The following JHY variants were observed in gnomAD, a reference collection of about 807,000 sequenced individuals.
JHY encodes junctional cadherin complex regulator, also known as jhy protein homolog.
JHY carries 69 observed loss-of-function variants against 78.0 expected under a neutral mutation model. The ratio of observed to expected loss-of-function variants is 0.88; its 90% CI spans 0.73 to 1.08. The LOEUF (loss-of-function observed/expected upper bound fraction) is 1.08, where lower values mean the gene tolerates loss of function less well. Ranked by LOEUF, JHY falls within the 50% of genes least tolerant of loss-of-function variation. The probability of loss-of-function intolerance (pLI) is 0.00; values close to 1 mark genes in which losing one functional copy is unlikely to be tolerated. For missense variants in JHY, 944 were observed against 927.8 expected, an observed-to-expected ratio of 1.02 and a Z score of -0.23; for synonymous variants, 368 against 342.6, an observed-to-expected ratio of 1.07 and a Z score of -0.82.
intron 3 of JHY, 88 bp downstream of exon 3, chr11:122,904,532 G>A (rs1862945510): frequency 1.4e-6 from 2 of 1,425,030 alleles, no homozygotes; most frequent in Admixed American, 2.2e-5. Flanking sequence ...CTTCCTTTAA[G>A]ATGACGATGT....
At chr11:122,930,518 G>T (rs1312627780) in intron 4 of JHY, among the ~76,000 whole-genome samples, 1 of 152,142 alleles carries the variant, frequency 6.6e-6, no homozygotes, top group Admixed American at 6.5e-5. Flanking sequence ...GAGAAGATAT[G>T]CCTGAGACCA....
intron 2 of JHY, among the ~76,000 whole-genome samples, chr11:122,889,097 C>T (rs1862556831): frequency 6.6e-6 from 1 of 152,092 alleles, no homozygotes; most frequent in Non-Finnish European, 1.5e-5. Context: ...AGTTACCAGT[C>T]CTCAGAATTA....
chr11:122,887,878 GGTCTTGAAGT>G, intron 2 of JHY, among the ~76,000 whole-genome samples: 1 of 152,112 alleles, frequency 6.6e-6, no homozygotes, highest in Non-Finnish European at 1.5e-5. Context: ...TACATTTTCA[GGTCTTGAAGT>G]GTAACCATCC....
chr11:122,937,588 G>C (rs1863785369), intron 5 of JHY, among the ~76,000 whole-genome samples: 1 of 151,972 alleles, frequency 6.6e-6, no homozygotes, highest in Non-Finnish European at 1.5e-5. Flanking sequence ...TGAAAATGTG[G>C]TACAAGGACA....
rs146523567 is a variant in JHY at position 122,959,395 on chromosome 11, G to A, written c.2287G>A (p.Glu763Lys). 7.4e-6 allele frequency: 12 copies of A among 1,614,090 alleles called. No homozygotes were observed. Among genetic ancestry groups the A allele is most frequent in the East Asian group, 2.2e-5 (1 of 44,864 alleles). Residue 763 changes from glutamate to lysine, a missense_variant, in exon 9 of 9, where the codon GAA (glutamate) becomes AAA (lysine). Transcript: ENST00000227349. The part of the protein sequence containing the change: ...SLLEILQNRH[E>K]REKQAVAAFK... ...GCTGGAAATACTGCAGAACAGACAC[G>A]AAAGGGAAAAACAGGCTGTGGCTGC...
chr11:122,952,408 A>G (rs1194902973), intron 6 of JHY, among the ~76,000 whole-genome samples: 1 of 152,184 alleles, frequency 6.6e-6, no homozygotes, highest in Admixed American at 6.5e-5. Flanking sequence ...AACCTTAAGT[A>G]AATCCAAGAT....
chr11:122,914,378 CAT>C lies in JHY; in HGVS notation c.864+9936_864+9937del, dbSNP rs575800974. Among the ~76,000 whole-genome samples, 3 of 152,116 alleles carry C rather than the reference CAT, an allele frequency of 2.0e-5. No individual in the cohort carries two copies. The East Asian group carries it at 5.8e-4, about 29-fold the overall frequency. ...TTTTGTAATTATATTTGGTTAGAAA[CAT>C]AGAATTATCTTCTTATAGGATTCTT... On this transcript the variant is annotated intron_variant, in intron 3 of 8. Coordinates refer to ENST00000227349, the MANE Select transcript of JHY (RefSeq NM_024806.4).
intron 1 of JHY, among the ~76,000 whole-genome samples, chr11:122,885,369 C>T (rs1006054469): frequency 1.3e-5 from 2 of 152,278 alleles, no homozygotes; most frequent in Middle Eastern, 3.4e-3. Context: ...TGAATAACTA[C>T]GGACCATATT....
chr11:122,919,671 GA>G (rs1863316389), intron 3 of JHY, among the ~76,000 whole-genome samples: 1 of 151,890 alleles, frequency 6.6e-6, no homozygotes, highest in Non-Finnish European at 1.5e-5. Context: ...AATGAATGTA[GA>G]AAAAAATATA....
Position 122,962,231 on chromosome 11 carries a change from C to T in JHY, c.*2786C>T, listed in dbSNP as rs560307966. On this transcript the variant is annotated 3_prime_UTR_variant, in exon 9 of 9. Coordinates refer to ENST00000227349, the MANE Select transcript of JHY (RefSeq NM_024806.4). The stretch of plus-strand genomic sequence containing the variant: ...CATTACATTTTTAGATAGGCATATC[C>T]AGAAGTGGATAATTTGAACATCAAT... 6.6e-6 allele frequency among the ~76,000 whole-genome samples: 1 copy of T among 152,178 alleles called. No homozygotes were observed. The highest frequency in any genetic ancestry group is 2.4e-5 in the African/African-American group (1 of 41,508).
At chr11:122,911,229 A>G (rs961561790) in intron 3 of JHY, among the ~76,000 whole-genome samples, 11 of 152,234 alleles carry the variant, frequency 7.2e-5, no homozygotes, top group African/African-American at 2.7e-4. Context: ...GAAATGCTCT[A>G]TACATGTTAT....
At chr11:122,888,835 A>G (rs1862549512) in intron 2 of JHY, among the ~76,000 whole-genome samples, 1 of 152,124 alleles carries the variant, frequency 6.6e-6, no homozygotes, top group African/African-American at 2.4e-5. Flanking sequence ...CATGATGCCC[A>G]TTTTGTTCAG....
At position 122,901,314 on chromosome 11, in the gene JHY, G is replaced by T. The variant is rs185975562; in HGVS notation, c.345-2611G>T. Among the ~76,000 whole-genome samples, 705 of 152,262 alleles carry T rather than the reference G, an allele frequency of 4.6e-3. 1 individual carries two copies. Among genetic ancestry groups the T allele is most frequent in the African/African-American group, 0.016 (669 of 41,558 alleles). ...GGTGAGGCAGTGCGTGAGCAGGAGT[G>T]AATTTCAAGGCCTAGGACATTACTG... On this transcript the variant is annotated intron_variant, in intron 2 of 8. Transcript: ENST00000227349.
intron 3 of JHY, among the ~76,000 whole-genome samples, chr11:122,924,675 G>A (rs1048509049): frequency 3.3e-5 from 5 of 152,070 alleles, no homozygotes; most frequent in African/African-American, 7.2e-5. Flanking sequence ...TGACCTTAAC[G>A]CACCAGTTTT....
At chr11:122,908,758 G>T (rs968649549) in intron 3 of JHY, among the ~76,000 whole-genome samples, 2 of 152,146 alleles carry the variant, frequency 1.3e-5, no homozygotes, top group Admixed American at 1.3e-4. Flanking sequence ...AAGTGCAGTG[G>T]CACTATCTCA....
chr11:122,899,376 C>CA (rs1862798828), intron 2 of JHY, among the ~76,000 whole-genome samples: 6 of 152,166 alleles, frequency 3.9e-5, no homozygotes, highest in Non-Finnish European at 5.9e-5. Flanking sequence ...CTTTCTTCCC[C>CA]ACCTGAACAA....
At chr11:122,929,213 C>T (rs1008810097) in intron 4 of JHY, among the ~76,000 whole-genome samples, 13 of 151,738 alleles carry the variant, frequency 8.6e-5, no homozygotes, top group Admixed American at 2.0e-4. Flanking sequence ...AGGTGTGAGC[C>T]ACCACGCCTG....
chr11:122,922,809 C>CAAAAAAAAAAAAAAAAAAAAAAAAAAA (rs571482464), intron 3 of JHY, among the ~76,000 whole-genome samples: 4 of 44,372 alleles, frequency 9.0e-5, no homozygotes, highest in African/African-American at 1.8e-4. Context: ...GACTCCGTCT[C>CAAAAAAAAAAAAAAAAAAAAAAAAAAA]AAAAAAAAAA....
chr11:122,915,760 C>A (rs542513869), intron 3 of JHY, among the ~76,000 whole-genome samples: 2 of 152,118 alleles, frequency 1.3e-5, no homozygotes, highest in Non-Finnish European at 2.9e-5. Flanking sequence ...GTGATCCACC[C>A]GCCTCAGCCT....
Sources: gnomAD v4.1 joint callset for allele counts (sites outside exome capture counted in the v4.1 genomes callset) on GRCh38, gnomAD v4.1.1 for gene constraint, MANE v1.5 for transcripts, NCBI Gene and HGNC (gene_info 2026-07-23, HGNC 2026-07-21) for gene names.